Variants in NUAK2 observed in about 807,000 individuals in gnomAD.
The protein encoded by NUAK2 is NUAK family SNF1-like kinase 2.
In NUAK2, 20 loss-of-function variants were observed where a neutral mutation model predicts 29.8. The observed-to-expected ratio is 0.67, with a 90% CI of 0.47 to 0.98. The LOEUF is 0.98. Ranked by LOEUF, NUAK2 falls within the 50% of genes least tolerant of loss-of-function variation. The probability of loss-of-function intolerance (pLI) is 0.00; values close to 1 mark genes in which losing one functional copy is unlikely to be tolerated. For synonymous variants in NUAK2, 331 were observed against 342.6 expected (o/e 0.97, Z 0.37); for missense variants, 719 against 834.5 (o/e 0.86, Z 1.71).
rs368126801 is a variant in NUAK2, at chr1:205,304,347, G to A, written c.990C>T (p.Ala330=). Residue 330 remains alanine, a synonymous_variant, in exon 7 of 7, where the codon GCC becomes GCT. Transcript: ENST00000367157. This position sits in a 1 kb window ranked among gnomAD's most constrained non-coding sequence, Gnocchi z 6.5. ...GGHPGSDSAR[A]SMADWLRRSS... ...AACGCCGGAGCCAGTCAGCCATGGA[G>A]GCGCGGGCAGAGTCACTGCCAGGGT... The A allele has an allele frequency of 8.1e-6, 13 of 1,610,816 alleles. No homozygotes were observed. The highest frequency in any genetic ancestry group is 1.1e-5 in the Non-Finnish European group (13 of 1,178,016).
chr1:205,310,187 TC>T (rs1444354812), intron 2 of NUAK2, among the ~76,000 whole-genome samples: 3 of 152,216 alleles, frequency 2.0e-5, no homozygotes, highest in Non-Finnish European at 4.4e-5. Flanking sequence ...TGTCCTTTTG[TC>T]CAGGGGGACA....
In NUAK2 at chr1:205,303,713, C is replaced by T. The variant is rs146441542; in HGVS notation, c.1624G>A (p.Ala542Thr). The T allele has an allele frequency of 3.1e-5, 47 of 1,540,012 alleles. No individual in the cohort carries two copies. The African/African-American group carries it at 5.9e-4, about 19-fold the overall frequency. ...PLARASRPSGAVSEDSILSSE... is the reference protein window; with the variant it reads ...PLARASRPSGTVSEDSILSSE... ...GACAGGATGCTGTCCTCGCTCACAG[C>T]CCCTGAGGGTCGGCTGGCCCGGGCC... Residue 542 changes from alanine (A) to threonine (T), a missense_variant, in exon 7 of 7, where the codon GCT becomes ACT. This residue lies in a region of NUAK2 where 430 missense variants were observed against 465.7 expected (regional missense o/e 0.92). Coordinates refer to ENST00000367157, the MANE Select transcript of NUAK2 (RefSeq NM_030952.3).
At position 205,308,913 on chromosome 1, in the gene NUAK2, C is replaced by T. The variant is rs899234183; in HGVS notation, c.353-181G>A. On this transcript the variant is annotated intron_variant, in intron 2 of 6. Coordinates refer to ENST00000367157, the MANE Select transcript of NUAK2 (RefSeq NM_030952.3). The surrounding 1 kb of genome is among the most constrained non-coding windows in gnomAD (Gnocchi z 4.1). ...GAAGAAGGGCCTTGGAAGTTCTCAG[C>T]ATCTTCCAGGAGCCATGAGTTAAGG... is the stretch of plus-strand genomic sequence containing the variant. 6.6e-6 allele frequency among the ~76,000 whole-genome samples: 1 copy of T among 152,098 alleles called. No homozygotes were observed. Among genetic ancestry groups the T allele is most frequent in the African/African-American group, 2.4e-5 (1 of 41,400 alleles).
rs754379180 is a variant in NUAK2, at chr1:205,308,811, AC to A, written c.353-80del. On this transcript the variant is annotated intron_variant, in intron 2 of 6. Transcript: ENST00000367157. The surrounding 1 kb of genome is among the most constrained non-coding windows in gnomAD (Gnocchi z 4.1). ...ACTGGGGGTGACTCACTCCTCCCCG[AC>A]CCCAGGCCCCAAACCAGACAGGACC... 8.5e-6 allele frequency: 13 copies of A among 1,533,222 alleles called. No individual in the cohort carries two copies. In the East Asian group the frequency reaches 1.8e-4, roughly 22 times the overall value. The allele number at this position is 1,533,222 out of a possible 1,614,324, so 95.0% of individuals were successfully genotyped here. A position where few individuals can be genotyped will look rare whatever the true frequency, so the allele number is the denominator to read the frequency against.
At position 205,308,035 on chromosome 1, in the gene NUAK2, G is replaced by A. The variant is rs1662205478; in HGVS notation, c.570+130C>T. 6.0e-6 allele frequency: 4 copies of A among 670,030 alleles called. No homozygotes were observed. The highest frequency in any genetic ancestry group is 2.7e-6 in the Non-Finnish European group (1 of 374,746). The allele number at this position is 670,030 out of a possible 1,614,324, so 41.5% of individuals were successfully genotyped here. On this transcript the variant is annotated intron_variant, in intron 4 of 6. Transcript: ENST00000367157. The surrounding 1 kb of genome is among the most constrained non-coding windows in gnomAD (Gnocchi z 4.1). ...TGGATGATGGCTGAGGTCCCTACCA[G>A]TACCAATGAAGGTCAGCCTTGCTCA...
chr1:205,318,828 AG>A (rs2102261006), intron 1 of NUAK2, among the ~76,000 whole-genome samples: 1 of 152,360 alleles, frequency 6.6e-6, no homozygotes, highest in African/African-American at 2.4e-5. Context: ...CTCCTAGAGC[AG>A]CCATTAGTTC....
At chr1:205,319,924 T>TACAC (rs377521023) in intron 1 of NUAK2, among the ~76,000 whole-genome samples, 28 of 78,498 alleles carry the variant, frequency 3.6e-4, no homozygotes, top group East Asian at 9.2e-4. Context: ...GGGCAAACCA[T>TACAC]ACACACACAC....
At chr1:205,313,867 G>A (rs1662289012) in intron 1 of NUAK2, among the ~76,000 whole-genome samples, 2 of 152,194 alleles carry the variant, frequency 1.3e-5, no homozygotes, top group East Asian at 1.9e-4. Context: ...TGGTAAATAC[G>A]AGACTTCCTC....
In NUAK2 at chr1:205,303,588, G is replaced by T. The variant is rs1662119476; in HGVS notation, c.1749C>A (p.Pro583=). ...SVDNLTGLEE[P]PSEGPGSCLR... is the part of the protein sequence containing the mutation. ...GGCAGCTTCCAGGGCCCTCTGAGGG[G>T]GGCTCCTCAAGCCCCGTGAGGTTGT... is the stretch of plus-strand genomic sequence containing the variant. The change falls in exon 7 of 7, where the codon CCC becomes CCA. Residue 583 remains proline, a synonymous_variant. Coordinates refer to ENST00000367157, the MANE Select transcript of NUAK2 (RefSeq NM_030952.3). 1.9e-6 allele frequency: 3 copies of T among 1,613,170 alleles called. No individual in the cohort carries two copies. Among genetic ancestry groups the T allele is most frequent in the Admixed American group, 1.7e-5 (1 of 59,886 alleles).
Position 205,308,160 on chromosome 1 carries a change from C to T in NUAK2, c.570+5G>A. 1 of 1,592,036 alleles carries T rather than the reference C, an allele frequency of 6.3e-7. No homozygotes were observed. Among genetic ancestry groups the T allele is most frequent in the Non-Finnish European group, 8.6e-7 (1 of 1,163,522 alleles). ...AGGCTTCTAGAAATAAGAAGTGGGACTCACCTTGATATTCCCATTGGCATC... is the reference window on the plus strand; with the variant it reads ...AGGCTTCTAGAAATAAGAAGTGGGATTCACCTTGATATTCCCATTGGCATC... On this transcript the variant is annotated splice_donor_5th_base_variant and intron_variant, in intron 4 of 6. Coordinates refer to ENST00000367157, the MANE Select transcript of NUAK2 (RefSeq NM_030952.3). This position sits in a 1 kb window ranked among gnomAD's most constrained non-coding sequence, Gnocchi z 4.1.
At chr1:205,312,839 C>T (rs1457729789) in intron 1 of NUAK2, among the ~76,000 whole-genome samples, 2 of 152,108 alleles carry the variant, frequency 1.3e-5, no homozygotes, top group Non-Finnish European at 2.9e-5. Context: ...GAATAAATTA[C>T]ATGTGGTACG....
At chr1:205,310,495 G>A (rs1191490034) in intron 2 of NUAK2, among the ~76,000 whole-genome samples, 1 of 152,160 alleles carries the variant, frequency 6.6e-6, no homozygotes, top group Non-Finnish European at 1.5e-5. Context: ...TGTTGAATCT[G>A]AAGGTGCCAG....
At chr1:205,313,623 A>G (rs1662284239) in intron 1 of NUAK2, among the ~76,000 whole-genome samples, 1 of 151,172 alleles carries the variant, frequency 6.6e-6, no homozygotes, top group Non-Finnish European at 1.5e-5. Context: ...GGAGTCTGTC[A>G]CTGTCCCCCT....
At chr1:205,310,998 G>A (rs1186753341) in intron 2 of NUAK2, among the ~76,000 whole-genome samples, 12 of 152,252 alleles carry the variant, frequency 7.9e-5, no homozygotes, top group Non-Finnish European at 5.9e-5. Flanking sequence ...GCTATCCCTC[G>A]CTTCTCATCT....
intron 4 of NUAK2, among the ~76,000 whole-genome samples, chr1:205,307,243 T>C (rs1011920481): frequency 9.2e-5 from 14 of 152,150 alleles, no homozygotes; most frequent in African/African-American, 3.4e-4. Flanking sequence ...GCTCCTTTGT[T>C]TATGGTTTTA....
intron 1 of NUAK2, among the ~76,000 whole-genome samples, chr1:205,320,376 TG>T (rs1459215138): frequency 1.3e-5 from 2 of 152,224 alleles, no homozygotes; most frequent in Non-Finnish European, 2.9e-5. Flanking sequence ...GCCATTCTCC[TG>T]CCTCAGCCTC....
At chr1:205,319,415 A>G (rs1187411622) in intron 1 of NUAK2, among the ~76,000 whole-genome samples, 1 of 151,584 alleles carries the variant, frequency 6.6e-6, no homozygotes, top group East Asian at 1.9e-4. Context: ...TCTCTCTCTT[A>G]CTCTCTCTCT....
rs775887109 is a variant in NUAK2 at position 205,305,214 on chromosome 1, G to A, written c.808C>T (p.Pro270Ser). Residue 270 changes from proline to serine, a missense_variant, in exon 6 of 7, where the codon CCA (proline) becomes TCA (serine). Physicochemically the swap from Pro to Ser is moderately conservative, Grantham distance 74. Coordinates refer to ENST00000367157, the MANE Select transcript of NUAK2 (RefSeq NM_030952.3). ...TCTTACTCACCAGAGGGTTTAGGTG[G>A]CTCCCGGTAGGCCCCGTTGCTGATC... ...KQISNGAYREPPKPSDACGLI... is the reference protein window; with the variant it reads ...KQISNGAYRESPKPSDACGLI... The A allele has an allele frequency of 6.8e-6, 11 of 1,614,096 alleles. No individual in the cohort carries two copies. Among genetic ancestry groups the A allele is most frequent in the Admixed American group, 1.7e-5 (1 of 60,012 alleles).
chr1:205,321,512 C>G lies in NUAK2; in HGVS notation c.117G>C (p.Ala39=). Residue 39 remains alanine, a synonymous_variant, in exon 1 of 7, where the codon GCG becomes GCC. Coordinates refer to ENST00000367157, the MANE Select transcript of NUAK2 (RefSeq NM_030952.3). ...KSPKPLMKKQ[A]VKRHHHKHNL... is the part of the protein sequence containing the mutation. ...TGTGCTTGTGGTGGTGCCGCTTCAC[C>G]GCCTGCTTCTTCATTAGGGGCTTGG... is the stretch of plus-strand genomic sequence containing the variant. The G allele has an allele frequency of 6.2e-7, 1 of 1,613,994 alleles. No homozygotes were observed. Among genetic ancestry groups the G allele is most frequent in the Non-Finnish European group, 8.5e-7 (1 of 1,179,894 alleles).
Sources: allele counts gnomAD v4.1 joint callset (sites outside exome capture counted in the v4.1 genomes callset), GRCh38; gene constraint gnomAD v4.1.1; regional missense constraint gnomAD v4.1.1; non-coding constraint Gnocchi (gnomAD v3.1); transcripts MANE v1.5; gene names NCBI Gene and HGNC (gene_info 2026-07-23, HGNC 2026-07-21).